The following SRPRA variants were observed in gnomAD, a reference collection of about 807,000 sequenced individuals.
The protein encoded by SRPRA is signal recognition particle receptor subunit alpha.
A neutral mutation model predicts 61.1 loss-of-function variants in SRPRA; 30 were observed. That is an observed-to-expected ratio of 0.49 (90% CI 0.37 to 0.67). SRPRA has a LOEUF of 0.67. Among genes scored for constraint, SRPRA ranks in the 30% least tolerant of loss-of-function variants. SRPRA has a pLI of 0.00. For synonymous variants in SRPRA, 324 were observed against 299.7 expected (o/e 1.08, Z -0.84); for missense variants, 759 against 828.4 (o/e 0.92, Z 1.03).
chr11:126,251,784 G>A, the SRPRA span, among the ~76,000 whole-genome samples: 1 of 147,342 alleles, frequency 6.8e-6, no homozygotes, highest in South Asian at 2.2e-4. Flanking sequence ...CTGGGTTCAA[G>A]TGATTCTCCT....
the SRPRA span, among the ~76,000 whole-genome samples, chr11:126,238,153 G>T: frequency 6.6e-6 from 1 of 152,250 alleles, no homozygotes; most frequent in South Asian, 2.1e-4. Context: ...CTTGAGGTCA[G>T]GAGTTTGAGA....
the SRPRA span, among the ~76,000 whole-genome samples, chr11:126,246,986 CT>C: frequency 3.9e-5 from 6 of 152,166 alleles, no homozygotes; most frequent in African/African-American, 1.4e-4. Context: ...GCGGGACCCC[CT>C]ATCTCTACAC....
chr11:126,264,185 G>C lies in SRPRA; in HGVS notation c.1788+6C>G, dbSNP rs139871574. 6.2e-7 allele frequency: 1 copy of C among 1,613,708 alleles called. No individual in the cohort carries two copies. Among genetic ancestry groups the C allele is most frequent in the East Asian group, 2.2e-5 (1 of 44,890 alleles). Reference sequence around the variant, plus strand: ...CGCCCATTCCAGCCTCCAGTCTCACGTTTACCTTGTCATCAATGGTATCAA... The same window carrying C: ...CGCCCATTCCAGCCTCCAGTCTCACCTTTACCTTGTCATCAATGGTATCAA... On this transcript the variant is annotated splice_donor_region_variant and intron_variant, in intron 13 of 13. Coordinates refer to ENST00000332118, the MANE Select transcript of SRPRA (RefSeq NM_003139.4). This position sits in a 1 kb window ranked among gnomAD's most constrained non-coding sequence, Gnocchi z 5.0.
At position 126,268,674 on chromosome 11, in the gene SRPRA, C is replaced by G. The variant is rs1950876378; in HGVS notation, c.117+14G>C. Reference sequence around the variant, plus strand: ...AAAGAAGAGCCTGGAGTTCTGATCCCACGGGGACGGTACCTGCAGCAGCAC... The same window carrying G: ...AAAGAAGAGCCTGGAGTTCTGATCCGACGGGGACGGTACCTGCAGCAGCAC... On this transcript the variant is annotated intron_variant, in intron 1 of 13. Transcript: ENST00000332118. The G allele has an allele frequency of 6.2e-7, 1 of 1,609,058 alleles. No individual in the cohort carries two copies. Among genetic ancestry groups the G allele is most frequent in the Non-Finnish European group, 8.5e-7 (1 of 1,175,968 alleles).
the SRPRA span, among the ~76,000 whole-genome samples, chr11:126,255,935 G>A: frequency 6.6e-6 from 1 of 151,988 alleles, no homozygotes; most frequent in Admixed American, 6.6e-5. The surrounding 1 kb of genome is among the most constrained non-coding windows in gnomAD (Gnocchi z 4.6). Flanking sequence ...CAGCCTAGGT[G>A]GCAGAGCAAG....
the SRPRA span, among the ~76,000 whole-genome samples, chr11:126,247,456 T>C: frequency 6.6e-6 from 1 of 152,184 alleles, no homozygotes; most frequent in Non-Finnish European, 1.5e-5. Flanking sequence ...GTTTTAACCT[T>C]TTCTATTCTT....
At chr11:126,254,005 C>T in the SRPRA span, among the ~76,000 whole-genome samples, 1 of 152,206 alleles carries the variant, frequency 6.6e-6, no homozygotes, top group Non-Finnish European at 1.5e-5. Context: ...AGCAGTTGTC[C>T]ATAGCTCTCA....
chr11:126,264,650 G>T lies in SRPRA; in HGVS notation c.1526-111C>A. On this transcript the variant is annotated intron_variant, in intron 11 of 13. Coordinates refer to ENST00000332118, the MANE Select transcript of SRPRA (RefSeq NM_003139.4). This position sits in a 1 kb window ranked among gnomAD's most constrained non-coding sequence, Gnocchi z 5.0. The stretch of plus-strand genomic sequence containing the variant: ...CTACCTGTTCACTGTCTTGGGCTCT[G>T]GATTTGGTTCCAAGGTAATGTGAGA... 1 of 1,327,530 alleles carries T rather than the reference G, an allele frequency of 7.5e-7. No individual in the cohort carries two copies. The highest frequency in any genetic ancestry group is 1.0e-6 in the Non-Finnish European group (1 of 980,406). The allele number at this position is 1,327,530 out of a possible 1,614,324, so 82.2% of individuals were successfully genotyped here.
At chr11:126,238,089 C>T in the SRPRA span, among the ~76,000 whole-genome samples, 6 of 151,936 alleles carry the variant, frequency 3.9e-5, no homozygotes, top group East Asian at 2.0e-4. Flanking sequence ...AGGCCGGGTG[C>T]GGTGGCTCAC....
chr11:126,255,502 C>T, the SRPRA span, among the ~76,000 whole-genome samples: 2 of 152,156 alleles, frequency 1.3e-5, no homozygotes, highest in Non-Finnish European at 2.9e-5. The surrounding 1 kb of genome is among the most constrained non-coding windows in gnomAD (Gnocchi z 4.6). Flanking sequence ...CACACACACA[C>T]ACATACTGAT....
chr11:126,255,271 C>G, the SRPRA span, among the ~76,000 whole-genome samples: 4 of 152,200 alleles, frequency 2.6e-5, no homozygotes, highest in African/African-American at 9.6e-5. This position sits in a 1 kb window ranked among gnomAD's most constrained non-coding sequence, Gnocchi z 4.6. Flanking sequence ...CTGCCCCCAG[C>G]TCTAAGAATC....
In SRPRA at chr11:126,266,878, T is replaced by C. The variant is rs1331828120; in HGVS notation, c.571A>G (p.Lys191Glu). The change falls in exon 5 of 14, where the codon AAG (lysine) becomes GAG (glutamate). Residue 191 changes from lysine to glutamate, a missense_variant. By Grantham distance (56) the Lys-to-Glu change is moderately conservative. Transcript: ENST00000332118. ...LATSKPVPAE[K>E]SGLPVGPENG... Reference sequence around the variant, plus strand: ...TCAGGACCCACTGGAAGACCTGACTTTTCTGCAGGGACTGGTTTGCTGGTA... The same window carrying C: ...TCAGGACCCACTGGAAGACCTGACTCTTCTGCAGGGACTGGTTTGCTGGTA... The C allele has an allele frequency of 1.2e-6, 2 of 1,614,190 alleles. No homozygotes were observed. The highest frequency in any genetic ancestry group is 1.7e-5 in the Admixed American group (1 of 60,022).
In SRPRA at chr11:126,266,928, G is replaced by A. The variant is rs1037471106; in HGVS notation, c.527-6C>T. 6.2e-7 allele frequency: 1 copy of A among 1,608,910 alleles called. No homozygotes were observed. The highest frequency in any genetic ancestry group is 8.5e-7 in the Non-Finnish European group (1 of 1,178,636). On this transcript the variant is annotated splice_polypyrimidine_tract_variant and splice_region_variant and intron_variant, in intron 4 of 13. Coordinates refer to ENST00000332118, the MANE Select transcript of SRPRA (RefSeq NM_003139.4). ...AGCCAAAGGACCATCAGAACCTGTT[G>A]GGGAAAAAACTCACTGAAGAAAAAA... is the stretch of plus-strand genomic sequence containing the variant.
downstream of SRPRA, chr11:126,262,091 A>G (rs766439085): frequency 4.1e-5 from 66 of 1,613,696 alleles, no homozygotes; most frequent in Middle Eastern, 4.9e-4. Context: ...GTGAAACTTC[A>G]TTTTGTTCTC....
chr11:126,249,574 T>C, the SRPRA span, among the ~76,000 whole-genome samples: 38 of 151,356 alleles, frequency 2.5e-4, no homozygotes, highest in Admixed American at 9.9e-4. Context: ...CTACTAAAAA[T>C]ACAAAAATTA....
the SRPRA span, among the ~76,000 whole-genome samples, chr11:126,244,860 G>C: frequency 6.6e-6 from 1 of 151,998 alleles, no homozygotes; most frequent in Admixed American, 6.6e-5. This position sits in a 1 kb window ranked among gnomAD's most constrained non-coding sequence, Gnocchi z 4.5. Flanking sequence ...AACACTGAAA[G>C]AAATGAAAGA....
chr11:126,245,369 CAA>C, the SRPRA span: 1 of 152,034 alleles, frequency 6.6e-6, no homozygotes, highest in Non-Finnish European at 1.5e-5. Context: ...TAGGGAGACT[CAA>C]ATTTTTTTTT....
chr11:126,246,392 G>C, the SRPRA span, among the ~76,000 whole-genome samples: 1 of 152,128 alleles, frequency 6.6e-6, no homozygotes, highest in Non-Finnish European at 1.5e-5. Context: ...TTAGGTTTTG[G>C]AATCAGACTC....
In SRPRA at chr11:126,266,485, G is replaced by A. The variant is rs1950812563; in HGVS notation, c.831C>T (p.Asp277=). The A allele has an allele frequency of 6.2e-7, 1 of 1,613,632 alleles. No homozygotes were observed. Among genetic ancestry groups the A allele is most frequent in the African/African-American group, 1.3e-5 (1 of 74,916 alleles). ...CCCTGTTACCTCTTACCAGGTTGAT[G>A]TCCTCAGACAAGGCAGCCTCAGGGG... The part of the protein sequence containing the change: ...NGTPEAALSE[D]INLIRGTGSG... Residue 277 remains aspartate (D), a synonymous_variant, in exon 6 of 14, where the codon GAC becomes GAT. Transcript: ENST00000332118.
Sources: allele counts gnomAD v4.1 joint callset (sites outside exome capture counted in the v4.1 genomes callset), GRCh38; gene constraint gnomAD v4.1.1; non-coding constraint Gnocchi (gnomAD v3.1); transcripts MANE v1.5; gene names NCBI Gene and HGNC (gene_info 2026-07-23, HGNC 2026-07-21).